RAB40B: variants seen among roughly 807,000 people sequenced by gnomAD.
RAB40B encodes the protein ras-related protein Rab-40B.
In RAB40B, 21 loss-of-function variants were observed where a neutral mutation model predicts 24.0. That is an observed-to-expected ratio of 0.88 (90% CI 0.62 to 1.26). The LOEUF is 1.26. Among genes scored for constraint, RAB40B ranks in the 50% most tolerant of loss-of-function variants. RAB40B has a pLI of 0.00. For synonymous variants in RAB40B, 167 were observed against 169.8 expected (o/e 0.98, Z 0.13); for missense variants, 348 against 390.5 (o/e 0.89, Z 0.92).
intron 3 of RAB40B, 101 bp downstream of exon 3, chr17:82,660,886 C>T: frequency 6.9e-7 from 1 of 1,441,592 alleles, no homozygotes; most frequent in Non-Finnish European, 9.6e-7. Flanking sequence ...AGCTTAACCG[C>T]CTTGTCCTCC....
Position 82,695,586 on chromosome 17 carries a change from T to C in RAB40B, c.142+2869A>G, listed in dbSNP as rs183430725. Among the ~76,000 whole-genome samples, 3 of 147,552 alleles carry C rather than the reference T, an allele frequency of 2.0e-5. No homozygotes were observed. In the East Asian group the frequency reaches 6.0e-4, roughly 29 times the overall value. On this transcript the variant is annotated intron_variant, in intron 1 of 5. Transcript: ENST00000571995. ...ATGGCCAGGTGCTGTGGCTCAGGCC[T>C]ATAATCTCAGCATTTGAGGAGGCCA...
At chr17:82,662,945 T>G (rs919916085) in intron 2 of RAB40B, among the ~76,000 whole-genome samples, 2 of 151,514 alleles carry the variant, frequency 1.3e-5, no homozygotes, top group Non-Finnish European at 2.9e-5. Context: ...TTGGGTGGCC[T>G]TGGCCCCTCA....
chr17:82,675,394 A>C lies in RAB40B; in HGVS notation c.143-10838T>G, dbSNP rs2248371. On this transcript the variant is annotated intron_variant, in intron 1 of 5. Coordinates refer to ENST00000571995, the MANE Select transcript of RAB40B (RefSeq NM_006822.3). The surrounding 1 kb of genome is among the most constrained non-coding windows in gnomAD (Gnocchi z 4.5). ...CGCCTGTCTGACGTGGTCTCCACCA[A>C]GCGCTGGCTTCCTTCACAGCAGCAC... is the stretch of plus-strand genomic sequence containing the variant. Among the ~76,000 whole-genome samples, 89,979 of 151,232 alleles carry C rather than the reference A, an allele frequency of 0.59. 27,352 individuals are homozygous for C. The highest frequency in any genetic ancestry group is 0.71 in the Admixed American group (10,872 of 15,210).
intron 1 of RAB40B, chr17:82,664,781 G>A (rs2046233393): frequency 5.8e-6 from 3 of 514,948 alleles, no homozygotes; most frequent in Non-Finnish European, 1.1e-5. Context: ...CTCTGTGGGG[G>A]TCAGGCTCGC....
At position 82,657,302 on chromosome 17, in the gene RAB40B, A is replaced by C; in HGVS notation, c.*561T>G. The C allele has an allele frequency of 5.5e-6, 1 of 183,084 alleles. No homozygotes were observed. 11.3% of individuals were successfully genotyped at this position (183,084 alleles called of 1,614,324 possible). On this transcript the variant is annotated 3_prime_UTR_variant, in exon 6 of 6. Coordinates refer to ENST00000571995, the MANE Select transcript of RAB40B (RefSeq NM_006822.3). ...AAAATATGCATATAAATCACTTATTAATCCCAAAATGTAGTAAATAACTAG... is the reference window on the plus strand; with the variant it reads ...AAAATATGCATATAAATCACTTATTCATCCCAAAATGTAGTAAATAACTAG...
At chr17:82,677,026 G>A (rs555978991) in intron 1 of RAB40B, among the ~76,000 whole-genome samples, 39 of 151,756 alleles carry the variant, frequency 2.6e-4, no homozygotes, top group Admixed American at 2.2e-3. Context: ...TCGGCTCACC[G>A]CAAGCTCCAC....
intron 4 of RAB40B, 145 bp downstream of exon 4, chr17:82,659,435 C>A (rs536511558): frequency 6.4e-5 from 45 of 698,316 alleles, no homozygotes; most frequent in Non-Finnish European, 9.1e-5. Flanking sequence ...AGGTGAGGCA[C>A]CCTCCTTCCT....
intron 1 of RAB40B, among the ~76,000 whole-genome samples, chr17:82,672,195 A>T (rs2046346702): frequency 7.0e-6 from 1 of 143,068 alleles, no homozygotes; most frequent in Non-Finnish European, 1.5e-5. Context: ...TGCTCCCTGT[A>T]CTCACTGACA....
chr17:82,658,221 C>A, intron 5 of RAB40B, 87 bp from the exon 6 acceptor site: 1 of 1,528,180 alleles, frequency 6.5e-7, no homozygotes, highest in South Asian at 1.3e-5. Context: ...GTTCTCCCGC[C>A]CTCCCAAGGC....
intron 1 of RAB40B, among the ~76,000 whole-genome samples, chr17:82,668,957 C>T (rs1487071326): frequency 2.6e-5 from 4 of 152,262 alleles, no homozygotes; most frequent in African/African-American, 9.6e-5. Flanking sequence ...GGGCACGCGG[C>T]GTAGCCTCCA....
In RAB40B at chr17:82,697,579, C is replaced by T. The variant is rs2046622920; in HGVS notation, c.142+876G>A. 6.6e-6 allele frequency among the ~76,000 whole-genome samples: 1 copy of T among 152,230 alleles called. No individual in the cohort carries two copies. The highest frequency in any genetic ancestry group is 6.5e-5 in the Admixed American group (1 of 15,288). On this transcript the variant is annotated intron_variant, in intron 1 of 5. Transcript: ENST00000571995. This position sits in a 1 kb window ranked among gnomAD's most constrained non-coding sequence, Gnocchi z 4.9. ...TGGGCTCCTTCCACAGCCTCAGGGT[C>T]GGCCTCGTCCAAGCTGTTCCAGGGA...
intron 1 of RAB40B, among the ~76,000 whole-genome samples, chr17:82,682,491 T>C (rs1478891462): frequency 3.3e-5 from 5 of 152,220 alleles, no homozygotes; most frequent in African/African-American, 1.2e-4. Context: ...GTCTCCCCAA[T>C]TGATCTATAG....
At chr17:82,680,020 G>A (rs1380426004) in intron 1 of RAB40B, among the ~76,000 whole-genome samples, 2 of 152,256 alleles carry the variant, frequency 1.3e-5, no homozygotes, top group African/African-American at 4.8e-5. Context: ...CATCAGAGTG[G>A]TGGATTCCCT....
chr17:82,689,195 C>T (rs80060027), intron 1 of RAB40B, among the ~76,000 whole-genome samples: 2,686 of 152,362 alleles, frequency 0.018, 65 homozygotes, highest in African/African-American at 0.06. Flanking sequence ...GCACCCAGCG[C>T]GGAGCAGCCT....
chr17:82,657,747 A>AT lies in RAB40B; in HGVS notation c.*115dup. 1 of 1,267,102 alleles carries AT rather than the reference A, an allele frequency of 7.9e-7. No homozygotes were observed. 78.5% of individuals were successfully genotyped at this position (1,267,102 alleles called of 1,614,324 possible). On this transcript the variant is annotated 3_prime_UTR_variant, in exon 6 of 6. Transcript: ENST00000571995. Reference sequence around the variant, plus strand: ...CCATCACACGGAAGGCGTCGCACACATTCGCAAGCAGCATTCGCCGAGAGG... The same window carrying AT: ...CCATCACACGGAAGGCGTCGCACACATTTCGCAAGCAGCATTCGCCGAGAGG...
intron 1 of RAB40B, chr17:82,668,300 C>G (rs902995471): frequency 6.5e-6 from 1 of 154,454 alleles, no homozygotes; most frequent in Non-Finnish European, 1.5e-5. Context: ...GCACATCCCC[C>G]CTCTGACAAA....
Position 82,664,668 on chromosome 17 carries a change from A to G in RAB40B, c.143-112T>C, listed in dbSNP as rs1429668358. The G allele has an allele frequency of 2.8e-6, 3 of 1,057,436 alleles. No homozygotes were observed. The Admixed American group carries it at 6.6e-5, about 23-fold the overall frequency. The allele number at this position is 1,057,436 out of a possible 1,614,324, so 65.5% of individuals were successfully genotyped here. On this transcript the variant is annotated intron_variant, in intron 1 of 5. Coordinates refer to ENST00000571995, the MANE Select transcript of RAB40B (RefSeq NM_006822.3). ...TCATCAGTGCAACTTCCAGGTTTACAAGGCAGGCGGATGGGACCCCCTCCC... is the reference window on the plus strand; with the variant it reads ...TCATCAGTGCAACTTCCAGGTTTACGAGGCAGGCGGATGGGACCCCCTCCC...
chr17:82,671,438 T>A (rs1304436394), intron 1 of RAB40B, among the ~76,000 whole-genome samples: 1 of 127,478 alleles, frequency 7.8e-6, no homozygotes, highest in Non-Finnish European at 1.6e-5. Context: ...ACACGCTCCC[T>A]GTACTAACTG....
In RAB40B at chr17:82,664,430, G is replaced by C; in HGVS notation, c.203+66C>G. 5 of 1,517,026 alleles carry C rather than the reference G, an allele frequency of 3.3e-6. No individual in the cohort carries two copies. In the South Asian group the frequency reaches 4.6e-5, roughly 14 times the overall value. 94.0% of individuals were successfully genotyped at this position (1,517,026 alleles called of 1,614,324 possible). ...CCCCGGGGCACTGTGCTGACAGGGG[G>C]TGCTATGCCAGCCAGGGGGGTTACT... On this transcript the variant is annotated intron_variant, in intron 2 of 5. Transcript: ENST00000571995.
Sources: gnomAD v4.1 joint callset for allele counts (sites outside exome capture counted in the v4.1 genomes callset) on GRCh38, gnomAD v4.1.1 for gene constraint, Gnocchi (gnomAD v3.1) non-coding constraint, MANE v1.5 for transcripts, NCBI Gene and HGNC (gene_info 2026-07-23, HGNC 2026-07-21) for gene names.